The following ADCY2 variants were observed in gnomAD, a reference collection of about 807,000 sequenced individuals.
ADCY2 encodes the protein adenylate cyclase 2, also known as adenylate cyclase type 2.
Under a neutral mutation model 125.2 loss-of-function variants are expected in ADCY2, and 31 were observed. That is an observed-to-expected ratio of 0.25 (90% CI 0.19 to 0.33). The LOEUF is 0.33. Ranked by LOEUF, ADCY2 falls within the 10% of genes least tolerant of loss-of-function variation. The pLI is 1.00. For missense variants in ADCY2, 904 were observed against 1,418.2 expected (o/e 0.64, Z 5.82); for synonymous variants, 512 against 548.4 (o/e 0.93, Z 0.93).
intron 2 of ADCY2, among the ~76,000 whole-genome samples, chr5:7,444,978 A>AT (rs1476227884): frequency 6.6e-6 from 1 of 152,140 alleles, no homozygotes; most frequent in Non-Finnish European, 1.5e-5. Context: ...AGAGTTCTTT[A>AT]TTCATAGGGA....
chr5:7,804,767 C>G (rs1041500393), intron 22 of ADCY2, 75 bp downstream of exon 22: 11 of 1,004,782 alleles, frequency 1.1e-5, no homozygotes, highest in Non-Finnish European at 1.6e-5. Flanking sequence ...ACCAAAACAG[C>G]CATGAAATGC....
chr5:7,673,705 T>G (rs1740017720), intron 4 of ADCY2, among the ~76,000 whole-genome samples: 1 of 152,048 alleles, frequency 6.6e-6, no homozygotes, highest in South Asian at 2.1e-4. Flanking sequence ...TGGTTTAGAA[T>G]GCAGCCCCGC....
intron 3 of ADCY2, among the ~76,000 whole-genome samples, chr5:7,611,358 C>A (rs1482607179): frequency 1.3e-5 from 2 of 152,214 alleles, no homozygotes; most frequent in South Asian, 4.1e-4. Flanking sequence ...AAAAAAACTT[C>A]ATTAGTTTTT....
At chr5:7,483,944 T>A (rs1219045324) in intron 2 of ADCY2, among the ~76,000 whole-genome samples, 1 of 152,242 alleles carries the variant, frequency 6.6e-6, no homozygotes, top group East Asian at 1.9e-4. Context: ...CAAACATTTT[T>A]ATGAAAATCT....
chr5:7,537,522 A>T (rs1734853585), intron 3 of ADCY2, among the ~76,000 whole-genome samples: 1 of 151,898 alleles, frequency 6.6e-6, no homozygotes, highest in African/African-American at 2.4e-5. Context: ...TAGGCACCAG[A>T]TTCTGTTTAT....
At chr5:7,514,715 A>G (rs1272216949) in intron 2 of ADCY2, among the ~76,000 whole-genome samples, 1 of 152,188 alleles carries the variant, frequency 6.6e-6, no homozygotes, top group Non-Finnish European at 1.5e-5. Context: ...CAAGAGGGAA[A>G]TTTGGACAGA....
At chr5:7,549,317 G>C (rs576082761) in intron 3 of ADCY2, among the ~76,000 whole-genome samples, 49 of 152,344 alleles carry the variant, frequency 3.2e-4, no homozygotes, top group African/African-American at 1.2e-3. Flanking sequence ...CCCATCTGGA[G>C]CATTGCTGGG....
chr5:7,522,904 C>T (rs1274617691), intron 3 of ADCY2, among the ~76,000 whole-genome samples: 1 of 148,764 alleles, frequency 6.7e-6, no homozygotes, highest in Non-Finnish European at 1.5e-5. Context: ...CCAGCCTGGG[C>T]GACTGAGCAA....
At chr5:7,826,523 C>T in intron 24 of ADCY2, 196 bp from the exon 25 acceptor site, 1 of 698,316 alleles carries the variant, frequency 1.4e-6, no homozygotes, top group East Asian at 2.8e-5. Context: ...TTCACTATCC[C>T]AGCGCTGAAT....
chr5:7,456,504 C>G (rs1659168725), intron 2 of ADCY2, among the ~76,000 whole-genome samples: 1 of 152,134 alleles, frequency 6.6e-6, no homozygotes, highest in African/African-American at 2.4e-5. Context: ...TGGATGGCAT[C>G]AATAACATGA....
chr5:7,767,327 C>T (rs745799039), intron 17 of ADCY2, among the ~76,000 whole-genome samples: 8 of 152,096 alleles, frequency 5.3e-5, no homozygotes, highest in Non-Finnish European at 1.2e-4. Context: ...AACTTCAAAA[C>T]TTATTAACAC....
At chr5:7,664,367 G>A (rs1255903114) in intron 4 of ADCY2, among the ~76,000 whole-genome samples, 2 of 152,148 alleles carry the variant, frequency 1.3e-5, no homozygotes, top group African/African-American at 4.8e-5. Flanking sequence ...CCTCCAGTAA[G>A]ACTTTCACTT....
At chr5:7,501,131 T>C (rs1347919732) in intron 2 of ADCY2, among the ~76,000 whole-genome samples, 1 of 143,958 alleles carries the variant, frequency 6.9e-6, no homozygotes, top group Non-Finnish European at 1.5e-5. Context: ...AGCTTTTTTT[T>C]AAAAAAAAAA....
chr5:7,416,097 T>C (rs997103171), intron 2 of ADCY2, among the ~76,000 whole-genome samples: 5 of 152,148 alleles, frequency 3.3e-5, no homozygotes, highest in African/African-American at 1.2e-4. Context: ...TCAAAAGCCA[T>C]GTCAAGGGAC....
At chr5:7,426,322 T>G (rs1446517663) in intron 2 of ADCY2, among the ~76,000 whole-genome samples, 2 of 152,206 alleles carry the variant, frequency 1.3e-5, no homozygotes, top group Non-Finnish European at 1.5e-5. Context: ...ACAGACTGGG[T>G]AATTTATAAA....
intron 2 of ADCY2, among the ~76,000 whole-genome samples, chr5:7,493,142 A>T (rs901436589): frequency 1.3e-5 from 2 of 152,142 alleles, no homozygotes; most frequent in Non-Finnish European, 2.9e-5. Flanking sequence ...AAATGAAGAA[A>T]AAGAAAGCAG....
chr5:7,571,812 C>G (rs1736074210), intron 3 of ADCY2, among the ~76,000 whole-genome samples: 1 of 152,158 alleles, frequency 6.6e-6, no homozygotes. Flanking sequence ...CCAATAGGCG[C>G]CAGTGTCTAT....
At chr5:7,428,429 A>G (rs748197967) in intron 2 of ADCY2, among the ~76,000 whole-genome samples, 10 of 152,222 alleles carry the variant, frequency 6.6e-5, no homozygotes, top group Non-Finnish European at 1.0e-4. Context: ...ACTCCATGAT[A>G]TATGATTTAT....
intron 4 of ADCY2, among the ~76,000 whole-genome samples, chr5:7,673,259 A>AC (rs1222234296): frequency 1.1e-4 from 1 of 8,960 alleles, no homozygotes; most frequent in Admixed American, 2.6e-3. Flanking sequence ...AAAAAAAAAA[A>AC]AAAAAAAAAA....
Sources: allele counts gnomAD v4.1 joint callset (sites outside exome capture counted in the v4.1 genomes callset), GRCh38; gene constraint gnomAD v4.1.1; transcripts MANE v1.5; gene names NCBI Gene and HGNC (gene_info 2026-07-23, HGNC 2026-07-21).